ADARB1: variants seen among roughly 807,000 people sequenced by gnomAD.
ADARB1 encodes adenosine deaminase RNA specific B1.
Under a neutral mutation model 52.4 loss-of-function variants are expected in ADARB1, and 10 were observed. The ratio of observed to expected loss-of-function variants is 0.19; its 90% CI spans 0.12 to 0.32. The LOEUF (loss-of-function observed/expected upper bound fraction) is 0.32. ADARB1 is among the 10% of genes least tolerant of loss of function. The pLI is 1.00. For synonymous variants in ADARB1, 349 were observed against 371.1 expected (o/e 0.94, Z 0.68); for missense variants, 643 against 922.3 (o/e 0.70, Z 3.92).
intron 2 of ADARB1, among the ~76,000 whole-genome samples, chr21:45,165,672 G>A (rs953244353): frequency 1.3e-5 from 2 of 152,128 alleles, no homozygotes; most frequent in African/African-American, 2.4e-5. Flanking sequence ...GATTGTTTTC[G>A]TTCAAATGAT....
At position 45,223,949 on chromosome 21, in the gene ADARB1, C is replaced by CT. The variant is rs1455517620; in HGVS notation, c.*1753dup. The CT allele has an allele frequency of 2.0e-6, 2 of 985,376 alleles. No homozygotes were observed. Among genetic ancestry groups the CT allele is most frequent in the Admixed American group, 6.1e-5 (1 of 16,272 alleles). 61.0% of individuals were successfully genotyped at this position (985,376 alleles called of 1,614,324 possible). On this transcript the variant is annotated 3_prime_UTR_variant, in exon 11 of 11. Coordinates refer to ENST00000348831, the MANE Select transcript of ADARB1 (RefSeq NM_001112.4). The stretch of plus-strand genomic sequence containing the variant: ...CTCCTCCACCGAAGAGGGTAGTTGT[C>CT]TCCCTGAAGCAGTCACAGCAGGCGT...
chr21:45,085,669 T>C (rs2086312747), intron 1 of ADARB1, among the ~76,000 whole-genome samples: 1 of 152,250 alleles, frequency 6.6e-6, no homozygotes, highest in Non-Finnish European at 1.5e-5. Context: ...TTTTTCCCTC[T>C]GCACTTTTTG....
intron 1 of ADARB1, among the ~76,000 whole-genome samples, chr21:45,116,579 A>G (rs1264892221): frequency 1.3e-5 from 2 of 152,238 alleles, no homozygotes; most frequent in African/African-American, 2.4e-5. Flanking sequence ...TTATGAAGGA[A>G]AAAGGTTTAA....
intron 9 of ADARB1, among the ~76,000 whole-genome samples, chr21:45,205,286 G>T (rs1191203168): frequency 6.7e-6 from 1 of 148,194 alleles, no homozygotes; most frequent in Non-Finnish European, 1.5e-5. Context: ...AAGAAAGAAA[G>T]AAATGAAAAA....
chr21:45,117,456 G>T (rs1271248835), intron 1 of ADARB1, among the ~76,000 whole-genome samples: 2 of 152,150 alleles, frequency 1.3e-5, no homozygotes, highest in African/African-American at 4.8e-5. Flanking sequence ...GAGATACACA[G>T]GGGTTTTCTG....
At chr21:45,134,772 C>T (rs765414086) in intron 2 of ADARB1, 1 of 534,194 alleles carries the variant, frequency 1.9e-6, no homozygotes, top group Non-Finnish European at 3.8e-6. Context: ...ATTGAGGACC[C>T]CCTAGAGGCC....
At chr21:45,078,968 T>C (rs114160282) in intron 1 of ADARB1, among the ~76,000 whole-genome samples, 1 of 152,270 alleles carries the variant, frequency 6.6e-6, no homozygotes, top group East Asian at 1.9e-4. Flanking sequence ...TTACCCAAGG[T>C]CACACAGGAA....
rs544726299 is a variant in ADARB1, at chr21:45,226,384, A to G, written c.*4187A>G. ...TTCTATGAATGTAATTCGGCTGAGA[A>G]ACATGTTGCTGAGATGCAATCCTCA... On this transcript the variant is annotated 3_prime_UTR_variant, in exon 11 of 11. Coordinates refer to ENST00000348831, the MANE Select transcript of ADARB1 (RefSeq NM_001112.4). 2.1e-4 allele frequency: 32 copies of G among 152,756 alleles called. 1 individual carries two copies. The highest frequency in any genetic ancestry group is 7.5e-4 in the African/African-American group (31 of 41,574). The allele number at this position is 152,756 out of a possible 1,614,324, so 9.5% of individuals were successfully genotyped here. A position where few individuals can be genotyped will look rare whatever the true frequency, so the allele number is the denominator to read the frequency against.
At position 45,176,992 on chromosome 21, in the gene ADARB1, C is replaced by G. The variant is rs2091724807; in HGVS notation, c.963+328C>G. On this transcript the variant is annotated intron_variant, in intron 4 of 10. Transcript: ENST00000348831. This position sits in a 1 kb window ranked among gnomAD's most constrained non-coding sequence, Gnocchi z 5.8. Reference sequence around the variant, plus strand: ...CCATGACCCTCATCCCACAGCAAGCCTTTAGCAGGAGAGACGGAAGAAGAG... The same window carrying G: ...CCATGACCCTCATCCCACAGCAAGCGTTTAGCAGGAGAGACGGAAGAAGAG... 1 of 253,378 alleles carries G rather than the reference C, an allele frequency of 3.9e-6. No individual in the cohort carries two copies. Among genetic ancestry groups the G allele is most frequent in the African/African-American group, 2.2e-5 (1 of 45,126 alleles). 15.7% of individuals were successfully genotyped at this position (253,378 alleles called of 1,614,324 possible).
chr21:45,181,060 G>A (rs938689835), intron 5 of ADARB1, among the ~76,000 whole-genome samples: 2 of 152,160 alleles, frequency 1.3e-5, no homozygotes, highest in African/African-American at 4.8e-5. Context: ...CCCCAGGGTG[G>A]AGCAAGACTC....
At chr21:45,170,217 C>T (rs1358212611) in intron 2 of ADARB1, among the ~76,000 whole-genome samples, 1 of 152,192 alleles carries the variant, frequency 6.6e-6, no homozygotes, top group Non-Finnish European at 1.5e-5. Context: ...AGATATTGTC[C>T]TTTCATTTGT....
chr21:45,154,802 C>T (rs1270952909), intron 2 of ADARB1, among the ~76,000 whole-genome samples: 1 of 152,196 alleles, frequency 6.6e-6, no homozygotes. Flanking sequence ...GCCACCCTGG[C>T]AGATGCTGCC....
At chr21:45,184,494 G>A in intron 7 of ADARB1, 1 of 264,188 alleles carries the variant, frequency 3.8e-6, no homozygotes. Flanking sequence ...TTACACCCAG[G>A]CTGGAGTGCA....
chr21:45,181,220 C>A (rs2091920067), intron 5 of ADARB1, among the ~76,000 whole-genome samples: 1 of 152,200 alleles, frequency 6.6e-6, no homozygotes, highest in Non-Finnish European at 1.5e-5. Context: ...CCAGGAGAAA[C>A]CCCCAGTTCT....
At position 45,220,708 on chromosome 21, in the gene ADARB1, T is replaced by C; in HGVS notation, c.1748-128T>C. On this transcript the variant is annotated intron_variant, in intron 9 of 10. Coordinates refer to ENST00000348831, the MANE Select transcript of ADARB1 (RefSeq NM_001112.4). This position sits in a 1 kb window ranked among gnomAD's most constrained non-coding sequence, Gnocchi z 6.3. ...GCACGCTCAAGTCTGCGTATATTCC[T>C]CGGCAGGCAGAATTCCCCCACCACG... 2.0e-6 allele frequency: 2 copies of C among 990,898 alleles called. No individual in the cohort carries two copies. The highest frequency in any genetic ancestry group is 5.0e-5 in the East Asian group (2 of 39,934). The allele number at this position is 990,898 out of a possible 1,614,324, so 61.4% of individuals were successfully genotyped here.
chr21:45,139,315 A>T (rs897469983), intron 2 of ADARB1, among the ~76,000 whole-genome samples: 1 of 152,228 alleles, frequency 6.6e-6, no homozygotes, highest in Admixed American at 6.5e-5. Flanking sequence ...CACTTATATT[A>T]TTATGACGAT....
chr21:45,212,104 G>C (rs1419859263), intron 9 of ADARB1, among the ~76,000 whole-genome samples: 1 of 152,090 alleles, frequency 6.6e-6, no homozygotes, highest in African/African-American at 2.4e-5. Context: ...GTAATTCTAA[G>C]GTTTAAGTAT....
Position 45,176,784 on chromosome 21 carries a change from C to A in ADARB1, c.963+120C>A. 1.7e-6 allele frequency: 2 copies of A among 1,146,624 alleles called. No homozygotes were observed. The highest frequency in any genetic ancestry group is 2.4e-6 in the Non-Finnish European group (2 of 832,768). 71.0% of individuals were successfully genotyped at this position (1,146,624 alleles called of 1,614,324 possible). A position where few individuals can be genotyped will look rare whatever the true frequency, so the allele number is the denominator to read the frequency against. ...CACCTTGACATCACTCTGTCCCCAC[C>A]AGGAGGAGTTACTGGTAAGTCTGGC... is the stretch of plus-strand genomic sequence containing the variant. On this transcript the variant is annotated intron_variant, in intron 4 of 10. Transcript: ENST00000348831. This position sits in a 1 kb window ranked among gnomAD's most constrained non-coding sequence, Gnocchi z 5.8.
intron 4 of ADARB1, among the ~76,000 whole-genome samples, chr21:45,179,491 A>G (rs2091840648): frequency 6.6e-6 from 1 of 152,222 alleles, no homozygotes; most frequent in Non-Finnish European, 1.5e-5. Context: ...ATCATTTCCC[A>G]AAATGCCATG....
Sources: allele counts gnomAD v4.1 joint callset (sites outside exome capture counted in the v4.1 genomes callset), GRCh38; gene constraint gnomAD v4.1.1; non-coding constraint Gnocchi (gnomAD v3.1); transcripts MANE v1.5; gene names NCBI Gene and HGNC (gene_info 2026-07-23, HGNC 2026-07-21).